The following SH3BP4 variants were observed in gnomAD, a reference collection of about 807,000 sequenced individuals.
SH3BP4 encodes the protein SH3 domain-binding protein 4.
Under a neutral mutation model 65.5 loss-of-function variants are expected in SH3BP4, and 33 were observed. The observed-to-expected ratio is 0.50, with a 90% CI of 0.38 to 0.67. The LOEUF (loss-of-function observed/expected upper bound fraction) is 0.67. SH3BP4 is among the 30% of genes least tolerant of loss of function. The probability of loss-of-function intolerance (pLI) is 0.00; values close to 1 mark genes in which losing one functional copy is unlikely to be tolerated. For missense variants in SH3BP4, 1,134 were observed against 1,261.4 expected (o/e 0.90, Z 1.53); for synonymous variants, 552 against 545.5 (o/e 1.01, Z -0.17).
At chr2:234,985,050 A>G (rs1693504570) in intron 1 of SH3BP4, among the ~76,000 whole-genome samples, 1 of 152,102 alleles carries the variant, frequency 6.6e-6, no homozygotes, top group Non-Finnish European at 1.5e-5. Context: ...TGGGGGCTAT[A>G]TGTCTGCAGC....
chr2:235,001,655 G>A (rs1694103234), intron 2 of SH3BP4, among the ~76,000 whole-genome samples: 1 of 152,110 alleles, frequency 6.6e-6, no homozygotes, highest in Non-Finnish European at 1.5e-5. Context: ...ATGCCTGAAC[G>A]TCGAAGGTGC....
chr2:235,004,140 T>A (rs1313860050), intron 2 of SH3BP4, among the ~76,000 whole-genome samples: 3 of 152,234 alleles, frequency 2.0e-5, no homozygotes, highest in African/African-American at 7.2e-5. Context: ...TTTTCTATGC[T>A]TTAGTAGTTA....
chr2:234,983,574 C>T (rs1332095490), intron 1 of SH3BP4, among the ~76,000 whole-genome samples: 2 of 152,146 alleles, frequency 1.3e-5, no homozygotes, highest in African/African-American at 2.4e-5. Context: ...ATGCTCAGAA[C>T]CTGTAGGTGT....
rs1227058747 is a variant in SH3BP4 at position 235,042,038 on chromosome 2, G to A, written c.1269G>A (p.Gly423=). The change falls in exon 4 of 6, where the codon GGG becomes GGA. Residue 423 remains glycine, a synonymous_variant. Transcript: ENST00000392011. This position sits in a 1 kb window ranked among gnomAD's most constrained non-coding sequence, Gnocchi z 7.3. ...GCCTGAGGAGCGACTCGAAGGAAGG[G>A]CCATATGTCTCCGTCCCGCTCAACT... ...LQCLRSDSKE[G]PYVSVPLNCS... is the part of the protein sequence containing the mutation. 15 of 1,614,062 alleles carry A rather than the reference G, an allele frequency of 9.3e-6. No homozygotes were observed. The highest frequency in any genetic ancestry group is 1.2e-5 in the Non-Finnish European group (14 of 1,180,036).
chr2:234,953,662 G>T (rs1213654729), intron 1 of SH3BP4, among the ~76,000 whole-genome samples: 1 of 152,148 alleles, frequency 6.6e-6, no homozygotes, highest in Non-Finnish European at 1.5e-5. Flanking sequence ...TGACATCCGT[G>T]GATGGACAGC....
Position 235,033,120 on chromosome 2 carries a change from A to G in SH3BP4, c.-132-1751A>G, listed in dbSNP as rs891987715. 6.6e-6 allele frequency among the ~76,000 whole-genome samples: 1 copy of G among 152,094 alleles called. No individual in the cohort carries two copies. Among genetic ancestry groups the G allele is most frequent in the African/African-American group, 2.4e-5 (1 of 41,432 alleles). On this transcript the variant is annotated intron_variant, in intron 2 of 5. Coordinates refer to ENST00000392011, the MANE Select transcript of SH3BP4 (RefSeq NM_014521.3). The surrounding 1 kb of genome is among the most constrained non-coding windows in gnomAD (Gnocchi z 5.7). ...GCAGGGCAGCTCTGCCGCTCCCCAGAGAGGTGGCCACCATGCCCTCCTCTC... is the reference window on the plus strand; with the variant it reads ...GCAGGGCAGCTCTGCCGCTCCCCAGGGAGGTGGCCACCATGCCCTCCTCTC...
intron 1 of SH3BP4, among the ~76,000 whole-genome samples, chr2:234,985,430 T>C (rs1365980): frequency 0.59 from 89,738 of 152,054 alleles, 27,713 homozygotes; most frequent in East Asian, 0.88. Flanking sequence ...CTCACCTGCA[T>C]ACACATTTTT....
chr2:235,052,450 T>TG lies in SH3BP4; in HGVS notation c.2479-110dup. Reference sequence around the variant, plus strand: ...ACATTTGGTAGTAGGCCAGGGAACATGGAGAATAGAGAGCCCATGGCCATT... The same window carrying TG: ...ACATTTGGTAGTAGGCCAGGGAACATGGGAGAATAGAGAGCCCATGGCCATT... On this transcript the variant is annotated intron_variant, in intron 4 of 5. Transcript: ENST00000392011. The surrounding 1 kb of genome is among the most constrained non-coding windows in gnomAD (Gnocchi z 5.0). The TG allele has an allele frequency of 1.3e-6, 1 of 764,190 alleles. No individual in the cohort carries two copies. The allele number at this position is 764,190 out of a possible 1,614,324, so 47.3% of individuals were successfully genotyped here. A position where few individuals can be genotyped will look rare whatever the true frequency, so the allele number is the denominator to read the frequency against.
intron 1 of SH3BP4, among the ~76,000 whole-genome samples, chr2:234,969,228 T>A (rs573169719): frequency 6.6e-6 from 1 of 152,346 alleles, no homozygotes; most frequent in Non-Finnish European, 1.5e-5. Flanking sequence ...TCTCACTTAT[T>A]GGCTTTTTGC....
At chr2:234,992,837 G>C (rs58649890) in intron 1 of SH3BP4, among the ~76,000 whole-genome samples, 1 of 146,820 alleles carries the variant, frequency 6.8e-6, no homozygotes, top group South Asian at 2.2e-4. Flanking sequence ...AGATGGACAC[G>C]TTCCTGCCGT....
intron 2 of SH3BP4, among the ~76,000 whole-genome samples, chr2:235,018,385 A>G (rs1271965599): frequency 6.6e-6 from 1 of 152,112 alleles, no homozygotes; most frequent in Non-Finnish European, 1.5e-5. Flanking sequence ...CCAGTGTGCA[A>G]TAGCCAGGTT....
chr2:235,007,934 A>T (rs939894448), intron 2 of SH3BP4, among the ~76,000 whole-genome samples: 10 of 152,216 alleles, frequency 6.6e-5, no homozygotes, highest in African/African-American at 2.4e-4. Context: ...CGTCAAGGGC[A>T]GTCAGGGGAG....
intron 1 of SH3BP4, among the ~76,000 whole-genome samples, chr2:234,986,154 T>C (rs971884704): frequency 1.3e-5 from 2 of 151,226 alleles, no homozygotes; most frequent in African/African-American, 2.5e-5. Context: ...CTCACACCTA[T>C]GAGCACAGAG....
intron 1 of SH3BP4, among the ~76,000 whole-genome samples, chr2:234,962,554 AG>A (rs1008262381): frequency 1.3e-5 from 2 of 152,204 alleles, no homozygotes; most frequent in African/African-American, 4.8e-5. Context: ...AAATGTAAAA[AG>A]AAAAAAAATC....
At chr2:234,972,041 T>G (rs2106248164) in intron 1 of SH3BP4, among the ~76,000 whole-genome samples, 1 of 152,096 alleles carries the variant, frequency 6.6e-6, no homozygotes, top group South Asian at 2.1e-4. Context: ...GGTCTCCATC[T>G]CTTGACCTCA....
chr2:234,987,750 T>C (rs980061438), intron 1 of SH3BP4, among the ~76,000 whole-genome samples: 4 of 152,158 alleles, frequency 2.6e-5, no homozygotes, highest in Non-Finnish European at 5.9e-5. Context: ...AATGATGAAC[T>C]AGATCTTGTG....
intron 2 of SH3BP4, among the ~76,000 whole-genome samples, chr2:235,016,888 C>T (rs1357507535): frequency 1.3e-5 from 2 of 152,108 alleles, no homozygotes; most frequent in African/African-American, 2.4e-5. Flanking sequence ...TGCAGAGATG[C>T]GGGTTTCTGT....
chr2:235,002,568 A>C (rs1352845780), intron 2 of SH3BP4, among the ~76,000 whole-genome samples: 1 of 152,210 alleles, frequency 6.6e-6, no homozygotes, highest in Non-Finnish European at 1.5e-5. Flanking sequence ...TCTATAAAAA[A>C]TACAAAAAAT....
rs1049886791 is a variant in SH3BP4 at position 235,049,987 on chromosome 2, T to C, written c.2479-2575T>C. Among the ~76,000 whole-genome samples, 13 of 152,174 alleles carry C rather than the reference T, an allele frequency of 8.5e-5. No individual in the cohort carries two copies. The South Asian group carries it at 2.5e-3, about 29-fold the overall frequency. ...CAGCTCTGGCTCTGGCATTTCTCGGTGTGAAACCCACTTCCCCTCTCTCAG... is the reference window on the plus strand; with the variant it reads ...CAGCTCTGGCTCTGGCATTTCTCGGCGTGAAACCCACTTCCCCTCTCTCAG... On this transcript the variant is annotated intron_variant, in intron 4 of 5. Coordinates refer to ENST00000392011, the MANE Select transcript of SH3BP4 (RefSeq NM_014521.3).
Sources: allele counts gnomAD v4.1 joint callset (sites outside exome capture counted in the v4.1 genomes callset), GRCh38; gene constraint gnomAD v4.1.1; non-coding constraint Gnocchi (gnomAD v3.1); transcripts MANE v1.5; gene names NCBI Gene and HGNC (gene_info 2026-07-23, HGNC 2026-07-21).